SORBS2: variants seen among roughly 807,000 people sequenced by gnomAD.
SORBS2 encodes sorbin and SH3 domain containing 2.
In SORBS2, 46 loss-of-function variants were observed where a neutral mutation model predicts 97.7. The observed-to-expected ratio is 0.47, with a 90% confidence interval of 0.37 to 0.60. The LOEUF is 0.60. Ranked by LOEUF, SORBS2 falls within the 20% of genes least tolerant of loss-of-function variation. The pLI is 0.00. For synonymous variants in SORBS2, 476 were observed against 473.4 expected (o/e 1.01, Z -0.07); for missense variants, 1,316 against 1,282.3 (o/e 1.03, Z -0.40).
Position 185,623,765 on chromosome 4 carries a change from A to C in SORBS2, c.1364T>G (p.Ile455Ser). 6.2e-7 allele frequency: 1 copy of C among 1,614,178 alleles called. No homozygotes were observed. Among genetic ancestry groups the C allele is most frequent in the Non-Finnish European group, 8.5e-7 (1 of 1,180,034 alleles). Residue 455 changes from isoleucine to serine, a missense_variant, in exon 7 of 15, where the codon ATT becomes AGT. By Grantham distance (142) the Ile-to-Ser change is moderately radical. Transcript: ENST00000418609. This position sits in a 1 kb window ranked among gnomAD's most constrained non-coding sequence, Gnocchi z 6.4. The stretch of plus-strand genomic sequence containing the variant: ...ATTTTCTTCCTCCAGCAAATACTCA[A>C]TGGAAAACCGCCTCTTGGGACATAG...
At chr4:185,920,414 A>C (rs2099260430) in intron 1 of SORBS2, among the ~76,000 whole-genome samples, 1 of 152,204 alleles carries the variant, frequency 6.6e-6, no homozygotes. Context: ...GGAGACCGTC[A>C]AGGTACAATA....
At chr4:185,935,207 T>C (rs573164781) in intron 1 of SORBS2, among the ~76,000 whole-genome samples, 1 of 152,360 alleles carries the variant, frequency 6.6e-6, no homozygotes, top group East Asian at 1.9e-4. Context: ...GAGAAGTTTT[T>C]CTGGTCCTTA....
chr4:185,804,198 T>C (rs1290588166), intron 1 of SORBS2, among the ~76,000 whole-genome samples: 2 of 152,170 alleles, frequency 1.3e-5, no homozygotes, highest in East Asian at 3.8e-4. Context: ...ACCAGATCAG[T>C]TTTCTCCTGA....
chr4:185,589,932 C>T, intron 13 of SORBS2, 147 bp from the exon 26 acceptor site: 1 of 601,520 alleles, frequency 1.7e-6, no homozygotes, highest in South Asian at 2.0e-5. Context: ...ATGTAAATAG[C>T]ATTCTATTGG....
chr4:185,923,462 C>CT (rs959173873), intron 1 of SORBS2, among the ~76,000 whole-genome samples: 5 of 61,970 alleles, frequency 8.1e-5, no homozygotes, highest in Admixed American at 3.2e-4. Flanking sequence ...GGCTAAGTTT[C>CT]TTTTTTTTAA....
In SORBS2 at chr4:185,852,133, G is replaced by A. The variant is rs543766614; in HGVS notation, c.-337-76767C>T. ...TTTAGCATAGCAACAAAAATCCATG[G>A]AGTCAACACAGCTACAGGCAGCCGA... is the stretch of plus-strand genomic sequence containing the variant. On this transcript the variant is annotated intron_variant, in intron 1 of 20. Coordinates refer to the SORBS2 transcript ENST00000284776. Among the ~76,000 whole-genome samples, 17 of 152,212 alleles carry A rather than the reference G, an allele frequency of 1.1e-4. No homozygotes were observed. The South Asian group carries it at 3.5e-3, about 32-fold the overall frequency.
intron 1 of SORBS2, among the ~76,000 whole-genome samples, chr4:185,838,928 C>CA (rs750747958): frequency 1.3e-5 from 2 of 152,176 alleles, no homozygotes; most frequent in African/African-American, 2.4e-5. Flanking sequence ...ACAGGGTTCT[C>CA]ACGGTGTTTA....
rs1554199361 is a variant in SORBS2 at position 185,709,304 on chromosome 4, C to CCTTTTTTTTTTT, written c.-197-30483_-197-30482insAAAAAAAAAAAG. 9.2e-4 allele frequency among the ~76,000 whole-genome samples: 89 copies of CCTTTTTTTTTTT among 96,742 alleles called. 8 individuals carry two copies. The highest frequency in any genetic ancestry group is 2.4e-3 in the East Asian group (8 of 3,292). 63.5% of individuals were successfully genotyped at this position (96,742 alleles called of 152,430 possible). A position where few individuals can be genotyped will look rare whatever the true frequency, so the allele number is the denominator to read the frequency against. ...GCATGAGCCGCTGTGCTGGCCAAAT[C>CCTTTTTTTTTTT]TTTTTTTTTTTTTTTTTTTTAGTAA... On this transcript the variant is annotated intron_variant, in intron 2 of 20. Transcript: ENST00000284776.
chr4:185,714,848 T>C (rs1206960034), intron 2 of SORBS2, among the ~76,000 whole-genome samples: 3 of 152,178 alleles, frequency 2.0e-5, no homozygotes, highest in Non-Finnish European at 4.4e-5. Context: ...ATGGGGATTA[T>C]TACAATTCAA....
chr4:185,740,114 A>T lies in SORBS2; in HGVS notation c.-198+35113T>A, dbSNP rs550890315. ...CCTCAAACCAGAAATAATACCCTTC[A>T]TTTGCTGCAACTGGTTGAGTATCAG... On this transcript the variant is annotated intron_variant, in intron 2 of 20. Coordinates refer to the SORBS2 transcript ENST00000284776. 3 of 152,744 alleles carry T rather than the reference A, an allele frequency of 2.0e-5. No homozygotes were observed. The South Asian group carries it at 6.2e-4, about 32-fold the overall frequency. The allele number at this position is 152,744 out of a possible 1,614,324, so 9.5% of individuals were successfully genotyped here. A position where few individuals can be genotyped will look rare whatever the true frequency, so the allele number is the denominator to read the frequency against.
intron 2 of SORBS2, among the ~76,000 whole-genome samples, chr4:185,680,175 TTTTTA>T (rs1246351892): frequency 2.6e-5 from 4 of 152,206 alleles, no homozygotes; most frequent in African/African-American, 4.8e-5. Context: ...AATTTTTTGA[TTTTTA>T]TTTTATTTTT....
rs552628607 is a variant in SORBS2 at position 185,641,166 on chromosome 4, A to G, written c.396+5502T>C. On this transcript the variant is annotated intron_variant, in intron 4 of 14. Transcript: ENST00000418609. ...ATATGGAAAAGGAAGCAGAATATCT[A>G]CCATCTTGCATCATACCTTAGAATG... Among the ~76,000 whole-genome samples the G allele has an allele frequency of 1.2e-3, 188 of 152,312 alleles. 1 individual carries two copies. The highest frequency in any genetic ancestry group is 9.7e-3 in the South Asian group (47 of 4,826).
At chr4:185,833,966 GTTCTAGAA>G (rs2099206547) in intron 1 of SORBS2, among the ~76,000 whole-genome samples, 1 of 152,138 alleles carries the variant, frequency 6.6e-6, no homozygotes, top group African/African-American at 2.4e-5. Context: ...TCCACAAAGA[GTTCTAGAA>G]TTAACCAATG....
chr4:185,603,427 T>G (rs2096320128), intron 12 of SORBS2, among the ~76,000 whole-genome samples: 1 of 152,218 alleles, frequency 6.6e-6, no homozygotes, highest in African/African-American at 2.4e-5. Flanking sequence ...ATTAAAGTGT[T>G]TCATTTTTTA....
intron 2 of SORBS2, among the ~76,000 whole-genome samples, chr4:185,695,366 C>T (rs989399464): frequency 2.0e-5 from 3 of 152,016 alleles, no homozygotes; most frequent in African/African-American, 7.2e-5. Flanking sequence ...GGAGGAGTTG[C>T]CCAAAAGATT....
At chr4:185,847,797 A>C (rs78071663) in intron 1 of SORBS2, among the ~76,000 whole-genome samples, 10,658 of 152,238 alleles carry the variant, frequency 0.07, 475 homozygotes, top group East Asian at 0.13. Context: ...CTCACATCTT[A>C]GGAGATCTGT....
At chr4:185,935,540 A>G (rs1452231033) in intron 1 of SORBS2, among the ~76,000 whole-genome samples, 3 of 152,216 alleles carry the variant, frequency 2.0e-5, no homozygotes, top group African/African-American at 7.2e-5. Context: ...AGATCATTAG[A>G]ACAAACTCCA....
chr4:185,804,446 T>C (rs112166952), intron 1 of SORBS2, among the ~76,000 whole-genome samples: 1 of 152,212 alleles, frequency 6.6e-6, no homozygotes, highest in Non-Finnish European at 1.5e-5. Flanking sequence ...ATTAACATGA[T>C]ATAAAAATAA....
chr4:185,595,175 A>C (rs923274284), intron 12 of SORBS2, among the ~76,000 whole-genome samples: 6 of 152,190 alleles, frequency 3.9e-5, no homozygotes, highest in African/African-American at 1.4e-4. Flanking sequence ...TACTCACAGT[A>C]CTAAAACTGT....
Sources: allele counts gnomAD v4.1 joint callset (sites outside exome capture counted in the v4.1 genomes callset), GRCh38; gene constraint gnomAD v4.1.1; non-coding constraint Gnocchi (gnomAD v3.1); transcripts MANE v1.5; gene names NCBI Gene and HGNC (gene_info 2026-07-23, HGNC 2026-07-21).